Variants in TRAPPC9 observed in about 807,000 individuals in gnomAD.
TRAPPC9 encodes the protein IKK2 binding protein.
In TRAPPC9, 83 loss-of-function variants were observed where a neutral mutation model predicts 124.0. The observed-to-expected ratio is 0.67, with a 90% CI of 0.56 to 0.80. The LOEUF (loss-of-function observed/expected upper bound fraction) is 0.80. Ranked by LOEUF, TRAPPC9 falls within the 30% of genes least tolerant of loss-of-function variation. The pLI, the probability that TRAPPC9 is intolerant of heterozygous loss-of-function variation, is 0.00. For missense variants in TRAPPC9, 1,302 were observed against 1,508.3 expected, an observed-to-expected ratio of 0.86 and a Z score of 2.27; for synonymous variants, 638 against 617.5, an observed-to-expected ratio of 1.03 and a Z score of -0.49.
At position 139,825,243 on chromosome 8, in the gene TRAPPC9, G is replaced by A. The variant is rs542131211; in HGVS notation, c.3055+60636C>T. On this transcript the variant is annotated intron_variant, in intron 21 of 22. Transcript: ENST00000438773. The surrounding 1 kb of genome is among the most constrained non-coding windows in gnomAD (Gnocchi z 4.6). ...GCCCACGCAGGGTGGGCAGAGAAAC[G>A]GCTCCTGTCTTTCAGGGAACTAGCC... Among the ~76,000 whole-genome samples, 298 of 152,312 alleles carry A rather than the reference G, an allele frequency of 2.0e-3. No individual in the cohort carries two copies. Among genetic ancestry groups the A allele is most frequent in the African/African-American group, 6.4e-3 (267 of 41,582 alleles).
intron 21 of TRAPPC9, among the ~76,000 whole-genome samples, chr8:139,786,315 C>G (rs935754833): frequency 5.9e-5 from 9 of 152,134 alleles, no homozygotes; most frequent in African/African-American, 2.2e-4. Flanking sequence ...GTACTTAACA[C>G]CGTGAGTCAG....
chr8:140,238,176 G>A (rs2063767883), intron 16 of TRAPPC9, among the ~76,000 whole-genome samples: 1 of 152,214 alleles, frequency 6.6e-6, no homozygotes, highest in Non-Finnish European at 1.5e-5. Flanking sequence ...GTCGGTTCCG[G>A]CTGCCTGCAA....
At chr8:139,884,585 G>A (rs1253641704) in intron 21 of TRAPPC9, among the ~76,000 whole-genome samples, 12 of 152,170 alleles carry the variant, frequency 7.9e-5, no homozygotes, top group Non-Finnish European at 1.2e-4. Context: ...CCCATCTCAC[G>A]GCCAGGGGGG....
At chr8:139,792,141 T>C (rs759811088) in intron 21 of TRAPPC9, among the ~76,000 whole-genome samples, 1 of 152,160 alleles carries the variant, frequency 6.6e-6, no homozygotes, top group Non-Finnish European at 1.5e-5. Context: ...ACAGAGGCTC[T>C]AGGGGTAGAG....
chr8:140,104,518 G>A lies in TRAPPC9; in HGVS notation c.2557-80439C>T, dbSNP rs73361104. Among the ~76,000 whole-genome samples the A allele has an allele frequency of 6.6e-6, 1 of 152,168 alleles. No individual in the cohort carries two copies. Among genetic ancestry groups the A allele is most frequent in the African/African-American group, 2.4e-5 (1 of 41,414 alleles). On this transcript the variant is annotated intron_variant, in intron 17 of 22. Coordinates refer to ENST00000438773, the MANE Select transcript of TRAPPC9 (RefSeq NM_001160372.4). This position sits in a 1 kb window ranked among gnomAD's most constrained non-coding sequence, Gnocchi z 4.0. ...ATGCAAGTAGTATGATGGCACGATG[G>A]GGGGAGCTGTGAACTAGCTAGGGAA... is the stretch of plus-strand genomic sequence containing the variant.
intron 21 of TRAPPC9, among the ~76,000 whole-genome samples, chr8:139,764,929 G>A (rs1820488479): frequency 6.6e-6 from 1 of 152,166 alleles, no homozygotes; most frequent in Non-Finnish European, 1.5e-5. Context: ...CTGTCTCTCT[G>A]CAATACTTAT....
rs1482091635 is a variant in TRAPPC9 at position 139,776,368 on chromosome 8, G to A, written c.3056-44166C>T. The stretch of plus-strand genomic sequence containing the variant: ...CACTCGTCACAACATAGTATTGATC[G>A]GTTTGTCCTCCGTGACCCAAAGAGA... On this transcript the variant is annotated intron_variant, in intron 21 of 22. Transcript: ENST00000438773. The surrounding 1 kb of genome is among the most constrained non-coding windows in gnomAD (Gnocchi z 4.1). 1.3e-5 allele frequency among the ~76,000 whole-genome samples: 2 copies of A among 152,214 alleles called. No homozygotes were observed. Among genetic ancestry groups the A allele is most frequent in the South Asian group, 2.1e-4 (1 of 4,830 alleles).
intron 21 of TRAPPC9, among the ~76,000 whole-genome samples, chr8:139,755,986 G>A (rs1236854257): frequency 9.1e-4 from 93 of 102,684 alleles, no homozygotes; most frequent in African/African-American, 2.2e-3. Flanking sequence ...ACCGCAGGTC[G>A]CAGGAGGAGC....
intron 21 of TRAPPC9, among the ~76,000 whole-genome samples, chr8:139,831,024 G>C (rs1465107949): frequency 6.6e-6 from 1 of 152,180 alleles, no homozygotes; most frequent in African/African-American, 2.4e-5. Flanking sequence ...CAATCACAGC[G>C]ACCTTGGGAA....
Position 140,442,669 on chromosome 8 carries a change from C to G in TRAPPC9, c.585-3472G>C, listed in dbSNP as rs143545002. Among the ~76,000 whole-genome samples, 1,248 of 150,538 alleles carry G rather than the reference C, an allele frequency of 8.3e-3. 8 individuals carry two copies. The highest frequency in any genetic ancestry group is 0.012 in the Non-Finnish European group (845 of 67,738). On this transcript the variant is annotated intron_variant, in intron 2 of 22. Coordinates refer to ENST00000438773, the MANE Select transcript of TRAPPC9 (RefSeq NM_001160372.4). ...TACTATTTATATGGCTTATGGAAAACAAGAGCTTGGTATTCTAGTCCAAAA... is the reference window on the plus strand; with the variant it reads ...TACTATTTATATGGCTTATGGAAAAGAAGAGCTTGGTATTCTAGTCCAAAA...
chr8:139,835,928 T>C (rs1232723683), intron 21 of TRAPPC9, among the ~76,000 whole-genome samples: 3 of 152,178 alleles, frequency 2.0e-5, no homozygotes, highest in Non-Finnish European at 2.9e-5. Flanking sequence ...TATATATCTA[T>C]ATCTACCTAC....
intron 21 of TRAPPC9, among the ~76,000 whole-genome samples, chr8:139,741,697 C>T (rs1198394822): frequency 6.6e-6 from 1 of 152,104 alleles, no homozygotes; most frequent in Non-Finnish European, 1.5e-5. Flanking sequence ...CACCCCCAGC[C>T]CTGGGCAACC....
At chr8:140,420,380 T>C (rs1346449590) in intron 5 of TRAPPC9, among the ~76,000 whole-genome samples, 3 of 152,150 alleles carry the variant, frequency 2.0e-5, no homozygotes, top group Non-Finnish European at 4.4e-5. Flanking sequence ...CTAAAATTCA[T>C]ACGGAAATTC....
At chr8:140,169,470 A>G (rs1246214876) in intron 17 of TRAPPC9, among the ~76,000 whole-genome samples, 2 of 152,208 alleles carry the variant, frequency 1.3e-5, no homozygotes, top group Non-Finnish European at 2.9e-5. Flanking sequence ...CCAAGCAAAT[A>G]CATGCACACA....
intron 21 of TRAPPC9, among the ~76,000 whole-genome samples, chr8:139,837,948 T>A (rs1293182947): frequency 2.6e-5 from 4 of 152,190 alleles, no homozygotes; most frequent in African/African-American, 7.2e-5. Context: ...CTAACCATGT[T>A]GTCCCCTCTT....
chr8:140,209,837 C>T (rs1186090505), intron 17 of TRAPPC9, among the ~76,000 whole-genome samples: 1 of 152,140 alleles, frequency 6.6e-6, no homozygotes, highest in African/African-American at 2.4e-5. Flanking sequence ...GTTTTGTATC[C>T]CATAATAAGT....
At chr8:140,088,351 T>C (rs1236636902) in intron 17 of TRAPPC9, among the ~76,000 whole-genome samples, 3 of 152,168 alleles carry the variant, frequency 2.0e-5, no homozygotes, top group Admixed American at 6.6e-5. Flanking sequence ...CTAAGAGGTA[T>C]CCATCCTCAA....
intron 17 of TRAPPC9, among the ~76,000 whole-genome samples, chr8:140,038,811 C>T (rs546131774): frequency 5.9e-5 from 9 of 152,248 alleles, no homozygotes; most frequent in Non-Finnish European, 1.3e-4. Context: ...TGGTTCCCGT[C>T]TGCAGGGCGC....
At chr8:139,900,306 C>A (rs1010196187) in intron 20 of TRAPPC9, among the ~76,000 whole-genome samples, 10 of 152,164 alleles carry the variant, frequency 6.6e-5, no homozygotes, top group Non-Finnish European at 1.0e-4. Context: ...CTGGTGAACA[C>A]CCCCATCTTC....
Sources: allele counts gnomAD v4.1 joint callset (sites outside exome capture counted in the v4.1 genomes callset), GRCh38; gene constraint gnomAD v4.1.1; non-coding constraint Gnocchi (gnomAD v3.1); transcripts MANE v1.5; gene names NCBI Gene and HGNC (gene_info 2026-07-23, HGNC 2026-07-21).